The following SNTG1 variants were observed in gnomAD, a reference collection of about 807,000 sequenced individuals.
SNTG1 encodes syntrophin gamma 1, also known as gamma-1-syntrophin.
Under a neutral mutation model 74.7 loss-of-function variants are expected in SNTG1, and 39 were observed. The observed-to-expected ratio is 0.52, with a 90% CI of 0.40 to 0.68. The LOEUF is 0.68. Ranked by LOEUF, SNTG1 falls within the 30% of genes least tolerant of loss-of-function variation. SNTG1 has a pLI of 0.00. For missense variants in SNTG1, 685 were observed against 609.5 expected (o/e 1.12, Z -1.30); for synonymous variants, 254 against 217.1 (o/e 1.17, Z -1.49).
chr8:50,337,021 A>C (rs933341257), intron 2 of SNTG1, among the ~76,000 whole-genome samples: 2 of 152,184 alleles, frequency 1.3e-5, no homozygotes, highest in Non-Finnish European at 2.9e-5. Flanking sequence ...TTATCTTCAA[A>C]AGTTCCGTAC....
intron 2 of SNTG1, among the ~76,000 whole-genome samples, chr8:50,311,607 A>G (rs2090116817): frequency 6.6e-6 from 1 of 152,206 alleles, no homozygotes; most frequent in African/African-American, 2.4e-5. Context: ...CTTTGGGCCT[A>G]TGTACCTTGA....
At chr8:50,559,025 G>A (rs746252718) in intron 12 of SNTG1, among the ~76,000 whole-genome samples, 2 of 152,150 alleles carry the variant, frequency 1.3e-5, no homozygotes, top group Non-Finnish European at 2.9e-5. Context: ...TTACAAAGGT[G>A]TATTTTGTGA....
At chr8:50,787,133 AAAAAG>A (rs1192344083) in intron 18 of SNTG1, among the ~76,000 whole-genome samples, 31 of 151,926 alleles carry the variant, frequency 2.0e-4, no homozygotes, top group African/African-American at 9.7e-5. Context: ...TCAGAGAAAA[AAAAAG>A]AAAAGAAACA....
intron 1 of SNTG1, among the ~76,000 whole-genome samples, chr8:50,048,893 C>T (rs1189180761): frequency 6.6e-6 from 1 of 151,960 alleles, no homozygotes; most frequent in Non-Finnish European, 1.5e-5. Flanking sequence ...TAATTCTTTA[C>T]ATTGAAATTT....
At chr8:49,929,245 A>C (rs1218236363) in intron 1 of SNTG1, among the ~76,000 whole-genome samples, 1 of 152,114 alleles carries the variant, frequency 6.6e-6, no homozygotes, top group Non-Finnish European at 1.5e-5. Context: ...TTCATTGGAG[A>C]GGAAAGGATG....
chr8:50,657,319 T>C (rs2392706), intron 14 of SNTG1, among the ~76,000 whole-genome samples: 32,170 of 151,960 alleles, frequency 0.21, 3,777 homozygotes, highest in African/African-American at 0.3. Context: ...AAGGAGATTT[T>C]AAGAAACATT....
chr8:50,450,829 C>A, intron 8 of SNTG1, 100 bp downstream of exon 8: 2 of 1,185,728 alleles, frequency 1.7e-6, no homozygotes, highest in African/African-American at 1.5e-5. Flanking sequence ...GCAGATATGA[C>A]ATTTATCCAG....
intron 2 of SNTG1, among the ~76,000 whole-genome samples, chr8:50,282,915 ATTG>A (rs1277430519): frequency 6.6e-6 from 1 of 152,258 alleles, no homozygotes; most frequent in African/African-American, 2.4e-5. Context: ...ACAGATTATT[ATTG>A]AACTCATGCA....
intron 1 of SNTG1, among the ~76,000 whole-genome samples, chr8:49,922,790 C>T (rs2129345396): frequency 6.6e-6 from 1 of 152,130 alleles, no homozygotes; most frequent in South Asian, 2.1e-4. Flanking sequence ...CATGTACTGA[C>T]CATTGCTATT....
rs62515931 is a variant in SNTG1, at chr8:50,321,003, C to T, written c.-27-73209C>T. On this transcript the variant is annotated intron_variant, in intron 2 of 18. Coordinates refer to ENST00000642720, the MANE Select transcript of SNTG1 (RefSeq NM_018967.5). ...TGTATTTTGTGGCTGTTGGGTGAAA[C>T]GTTCTGTAACATTACACGAAATATA... Among the ~76,000 whole-genome samples the T allele has an allele frequency of 5.4e-3, 820 of 152,100 alleles. 11 individuals carry two copies. The highest frequency in any genetic ancestry group is 0.019 in the African/African-American group (785 of 41,512).
At chr8:50,426,394 G>A (rs2093163756) in intron 4 of SNTG1, among the ~76,000 whole-genome samples, 1 of 151,940 alleles carries the variant, frequency 6.6e-6, no homozygotes, top group African/African-American at 2.4e-5. Flanking sequence ...TCCTGACCCT[G>A]TGTAGGCCTA....
intron 2 of SNTG1, among the ~76,000 whole-genome samples, chr8:50,209,011 G>T (rs2084381906): frequency 6.6e-6 from 1 of 152,084 alleles, no homozygotes; most frequent in Admixed American, 6.6e-5. Context: ...ATGGTGCCTG[G>T]AAAATCGGTA....
chr8:50,731,584 G>A (rs967885619), intron 17 of SNTG1, among the ~76,000 whole-genome samples: 2 of 151,930 alleles, frequency 1.3e-5, no homozygotes, highest in South Asian at 2.1e-4. Flanking sequence ...CACTCTACAC[G>A]TACTTCTAAC....
rs2091942124 is a variant in SNTG1, at chr8:50,361,061, A to C, written c.-27-33151A>C. On this transcript the variant is annotated intron_variant, in intron 2 of 18. Transcript: ENST00000642720. ...CTTTTAGCTTAAAACACAAACATTT[A>C]CAACTGTACAAAAATATTTTCTTTC... is the stretch of plus-strand genomic sequence containing the variant. Among the ~76,000 whole-genome samples, 3 of 152,222 alleles carry C rather than the reference A, an allele frequency of 2.0e-5. No homozygotes were observed. The South Asian group carries it at 6.2e-4, about 31-fold the overall frequency.
chr8:50,111,709 G>T (rs989848201), intron 1 of SNTG1, among the ~76,000 whole-genome samples: 6 of 152,074 alleles, frequency 3.9e-5, no homozygotes, highest in African/African-American at 1.4e-4. Context: ...TATTTACCAA[G>T]GCCCAGTGGA....
At chr8:50,703,541 T>C (rs902216602) in intron 15 of SNTG1, among the ~76,000 whole-genome samples, 5 of 152,064 alleles carry the variant, frequency 3.3e-5, no homozygotes, top group Non-Finnish European at 1.5e-5. Flanking sequence ...ATATTTTTAA[T>C]AAATAGAAGG....
chr8:50,360,410 T>A (rs2091925907), intron 2 of SNTG1, among the ~76,000 whole-genome samples: 1 of 152,194 alleles, frequency 6.6e-6, no homozygotes. Flanking sequence ...CTTGGGGAAC[T>A]GTAGTTATAA....
chr8:50,420,780 A>G (rs908406434), intron 4 of SNTG1, among the ~76,000 whole-genome samples: 1 of 151,710 alleles, frequency 6.6e-6, no homozygotes, highest in African/African-American at 2.4e-5. Flanking sequence ...TAATCCCAGC[A>G]CTTTGGGAGG....
intron 2 of SNTG1, among the ~76,000 whole-genome samples, chr8:50,329,409 G>T (rs527855450): frequency 1.1e-4 from 16 of 152,090 alleles, no homozygotes; most frequent in African/African-American, 3.4e-4. Context: ...GGACATCCGC[G>T]CATTCCCAAA....
Sources: allele counts gnomAD v4.1 joint callset (sites outside exome capture counted in the v4.1 genomes callset), GRCh38; gene constraint gnomAD v4.1.1; transcripts MANE v1.5; gene names NCBI Gene and HGNC (gene_info 2026-07-23, HGNC 2026-07-21).